Variants in PIK3R3 observed in about 807,000 individuals in gnomAD.
PIK3R3 encodes the protein phosphoinositide-3-kinase regulatory subunit 3.
Under a neutral mutation model 62.9 loss-of-function variants are expected in PIK3R3, and 64 were observed. The ratio of observed to expected loss-of-function variants is 1.02; its 90% CI spans 0.83 to 1.25. The LOEUF (loss-of-function observed/expected upper bound fraction) is 1.25, where lower values mean the gene tolerates loss of function less well. Among genes scored for constraint, PIK3R3 ranks in the 50% most tolerant of loss-of-function variants. The pLI, the probability that PIK3R3 is intolerant of heterozygous loss-of-function variation, is 0.00. For missense variants in PIK3R3, 614 were observed against 561.6 expected, an observed-to-expected ratio of 1.09 and a Z score of -0.94; for synonymous variants, 165 against 189.0, an observed-to-expected ratio of 0.87 and a Z score of 1.04.
chr1:46,153,239 G>A, the PIK3R3 span, among the ~76,000 whole-genome samples: 1 of 152,078 alleles, frequency 6.6e-6, no homozygotes, highest in Non-Finnish European at 1.5e-5. Flanking sequence ...TATTTAATAA[G>A]TTTTTTTACC....
intron 1 of PIK3R3, among the ~76,000 whole-genome samples, chr1:46,103,042 C>T (rs1571502980): frequency 6.6e-6 from 1 of 152,174 alleles, no homozygotes; most frequent in East Asian, 1.9e-4. Context: ...AACTTGAAGA[C>T]ATTATACTGA....
chr1:46,133,191 G>A (rs1017980537), upstream of PIK3R3, among the ~76,000 whole-genome samples: 3 of 148,692 alleles, frequency 2.0e-5, no homozygotes, highest in African/African-American at 7.8e-5. Context: ...GACAAAGGCA[G>A]AAGGGGAAAA....
At chr1:46,052,803 C>T (rs1218796711) in intron 7 of PIK3R3, among the ~76,000 whole-genome samples, 1 of 152,130 alleles carries the variant, frequency 6.6e-6, no homozygotes, top group East Asian at 1.9e-4. Flanking sequence ...AAGCTCTCAG[C>T]AGACAATCAC....
chr1:46,129,777 A>G (rs1655419456), intron 1 of PIK3R3, among the ~76,000 whole-genome samples: 1 of 152,230 alleles, frequency 6.6e-6, no homozygotes, highest in Non-Finnish European at 1.5e-5. Context: ...ATGTTTCAGC[A>G]TACTCAAGTG....
chr1:46,096,436 C>G (rs1652131358), intron 1 of PIK3R3, among the ~76,000 whole-genome samples: 1 of 152,194 alleles, frequency 6.6e-6, no homozygotes, highest in Admixed American at 6.5e-5. Context: ...AGACAGTATA[C>G]TAGGCAGATT....
At chr1:46,075,786 T>C (rs1571422373) in intron 3 of PIK3R3, among the ~76,000 whole-genome samples, 1 of 152,142 alleles carries the variant, frequency 6.6e-6, no homozygotes, top group African/African-American at 2.4e-5. Flanking sequence ...AGAAGTCCCA[T>C]TACAGGCCAT....
the PIK3R3 span, among the ~76,000 whole-genome samples, chr1:46,141,069 A>T: frequency 6.6e-6 from 1 of 151,546 alleles, no homozygotes; most frequent in South Asian, 2.1e-4. Flanking sequence ...ACTGTTTCCC[A>T]GGCTGGTCTT....
chr1:46,169,800 T>G, the PIK3R3 span, among the ~76,000 whole-genome samples: 2 of 152,214 alleles, frequency 1.3e-5, no homozygotes, highest in African/African-American at 2.4e-5. Flanking sequence ...TTGGAACTGC[T>G]CCTTCTGGGT....
rs7535526 is a variant in PIK3R3 at position 46,041,807 on chromosome 1, A to C, written c.*1866T>G. The C allele has an allele frequency of 2.2e-3, 464 of 210,004 alleles. 1 individual carries two copies. The highest frequency in any genetic ancestry group is 0.01 in the African/African-American group (442 of 44,150). 13.0% of individuals were successfully genotyped at this position (210,004 alleles called of 1,614,324 possible). A position where few individuals can be genotyped will look rare whatever the true frequency, so the allele number is the denominator to read the frequency against. On this transcript the variant is annotated 3_prime_UTR_variant, in exon 10 of 10. Coordinates refer to ENST00000262741, the MANE Select transcript of PIK3R3 (RefSeq NM_003629.4). ...TTGTCTCTGTCTCACCCAATCCTGA[A>C]ACTGCAGTGTAACCAAGAAAAAGCC... is the stretch of plus-strand genomic sequence containing the variant.
intron 3 of PIK3R3, among the ~76,000 whole-genome samples, chr1:46,070,531 G>C (rs1006854841): frequency 6.6e-5 from 10 of 152,210 alleles, no homozygotes; most frequent in African/African-American, 2.4e-4. Flanking sequence ...TGACGAGGAA[G>C]CAGGATGAAT....
At chr1:46,156,717 A>G in the PIK3R3 span, among the ~76,000 whole-genome samples, 142 of 152,208 alleles carry the variant, frequency 9.3e-4, no homozygotes, top group African/African-American at 3.2e-3. Context: ...GCGCCTGTCA[A>G]TTAGCTTCTG....
At chr1:46,074,284 G>A (rs1277306861) in intron 3 of PIK3R3, among the ~76,000 whole-genome samples, 18 of 46,078 alleles carry the variant, frequency 3.9e-4, no homozygotes, top group African/African-American at 1.1e-3. Flanking sequence ...GCTAGACTCC[G>A]TCAAAAAAAA....
chr1:46,137,466 C>T (rs1655971999), upstream of PIK3R3, among the ~76,000 whole-genome samples: 1 of 152,212 alleles, frequency 6.6e-6, no homozygotes, highest in Non-Finnish European at 1.5e-5. Context: ...CTTGCATGCA[C>T]CTGCTTTAAA....
chr1:46,119,097 T>TA (rs1396197538), intron 1 of PIK3R3, among the ~76,000 whole-genome samples: 3 of 152,178 alleles, frequency 2.0e-5, no homozygotes, highest in African/African-American at 4.8e-5. Flanking sequence ...ACTCTATTTT[T>TA]ATCCTCTGTT....
At chr1:46,093,004 A>G (rs1235762957) in intron 1 of PIK3R3, among the ~76,000 whole-genome samples, 1 of 152,218 alleles carries the variant, frequency 6.6e-6, no homozygotes, top group Non-Finnish European at 1.5e-5. Flanking sequence ...GTCTCCAACC[A>G]TAAGTGGACC....
At chr1:46,145,057 A>G in the PIK3R3 span, among the ~76,000 whole-genome samples, 1 of 149,218 alleles carries the variant, frequency 6.7e-6, no homozygotes, top group Non-Finnish European at 1.5e-5. Context: ...CAGAAGGCGG[A>G]GGTTGTAGTG....
intron 4 of PIK3R3, 90 bp downstream of exon 4, chr1:46,066,821 T>C (rs942930483): frequency 4.6e-6 from 5 of 1,089,224 alleles, no homozygotes; most frequent in African/African-American, 1.6e-5. Context: ...TGGCTAGTTT[T>C]TTAAAACTGA....
At chr1:46,145,878 T>G in the PIK3R3 span, among the ~76,000 whole-genome samples, 1 of 152,100 alleles carries the variant, frequency 6.6e-6, no homozygotes, top group Non-Finnish European at 1.5e-5. Context: ...CAGGCTAAAG[T>G]CCATTTGGGC....
chr1:46,132,416 T>C lies in PIK3R3; in HGVS notation c.-464A>G, dbSNP rs1177374741. The stretch of plus-strand genomic sequence containing the variant: ...GGAAGGCAAAAAAGGGGGCTGGAGA[T>C]TGCGTTCAAGTTTCGGGGTCCCACT... On this transcript the variant is annotated 5_prime_UTR_variant, in exon 1 of 10. Transcript: ENST00000262741. 8.8e-7 allele frequency: 1 copy of C among 1,140,974 alleles called. No individual in the cohort carries two copies. Among genetic ancestry groups the C allele is most frequent in the Non-Finnish European group, 1.1e-6 (1 of 917,868 alleles). 70.7% of individuals were successfully genotyped at this position (1,140,974 alleles called of 1,614,324 possible). A position where few individuals can be genotyped will look rare whatever the true frequency, so the allele number is the denominator to read the frequency against.
Sources: gnomAD v4.1 joint callset for allele counts (sites outside exome capture counted in the v4.1 genomes callset) on GRCh38, gnomAD v4.1.1 for gene constraint, MANE v1.5 for transcripts, NCBI Gene and HGNC (gene_info 2026-07-23, HGNC 2026-07-21) for gene names.